The following PLCB1 variants were observed in gnomAD, a reference collection of about 807,000 sequenced individuals.
The protein encoded by PLCB1 is 1-phosphatidylinositol 4,5-bisphosphate phosphodiesterase beta-1.
Under a neutral mutation model 161.8 loss-of-function variants are expected in PLCB1, and 46 were observed. That is an observed-to-expected ratio of 0.28 (90% CI 0.22 to 0.36). The LOEUF (loss-of-function observed/expected upper bound fraction) is 0.36, where lower values mean the gene tolerates loss of function less well. PLCB1 is among the 10% of genes least tolerant of loss of function. The pLI is 1.00. For missense variants in PLCB1, 1,016 were observed against 1,472.5 expected, an observed-to-expected ratio of 0.69 and a Z score of 5.07; for synonymous variants, 517 against 503.7, an observed-to-expected ratio of 1.03 and a Z score of -0.35.
At chr20:8,165,625 A>G (rs1040538073) in intron 2 of PLCB1, among the ~76,000 whole-genome samples, 11 of 152,144 alleles carry the variant, frequency 7.2e-5, no homozygotes, top group Admixed American at 2.0e-4. Flanking sequence ...GGCATTTTGA[A>G]TACACTGCTA....
intron 9 of PLCB1, among the ~76,000 whole-genome samples, chr20:8,668,227 T>C (rs1001125431): frequency 6.6e-6 from 1 of 151,232 alleles, no homozygotes; most frequent in Non-Finnish European, 1.5e-5. Flanking sequence ...AGCTGAAAAA[T>C]GTACCATAGT....
intron 2 of PLCB1, among the ~76,000 whole-genome samples, chr20:8,202,159 C>T (rs1396580102): frequency 3.3e-5 from 5 of 152,224 alleles, no homozygotes; most frequent in Non-Finnish European, 7.3e-5. Flanking sequence ...TCATTGCAAA[C>T]TCCGCCTCCT....
rs189990361 is a variant in PLCB1 at position 8,334,684 on chromosome 20, A to C, written c.178-36698A>C. Among the ~76,000 whole-genome samples, 187 of 152,342 alleles carry C rather than the reference A, an allele frequency of 1.2e-3. 2 individuals carry two copies. Among genetic ancestry groups the C allele is most frequent in the Non-Finnish European group, 3.5e-4 (24 of 68,034 alleles). ...TAATTCCAGTCACTTCTTGACAAAG[A>C]ATTGGTGAACCTTTTGACAGCCGTG... is the stretch of plus-strand genomic sequence containing the variant. On this transcript the variant is annotated intron_variant, in intron 2 of 31. Transcript: ENST00000338037.
At chr20:8,278,063 T>C (rs1600282293) in intron 2 of PLCB1, among the ~76,000 whole-genome samples, 1 of 151,704 alleles carries the variant, frequency 6.6e-6, no homozygotes, top group Admixed American at 6.6e-5. Flanking sequence ...TAAATGGGAG[T>C]TGCATAAGGG....
In PLCB1 at chr20:8,573,814, A is replaced by G. The variant is rs1223457809; in HGVS notation, c.247-54480A>G. On this transcript the variant is annotated intron_variant, in intron 3 of 31. Coordinates refer to ENST00000338037, the MANE Select transcript of PLCB1 (RefSeq NM_015192.4). ...GGTGATTACAGTGATAGTTTCCTTCATGGCTTTCAGGCCATGAACAAATGA... is the reference window on the plus strand; with the variant it reads ...GGTGATTACAGTGATAGTTTCCTTCGTGGCTTTCAGGCCATGAACAAATGA... 2.0e-5 allele frequency among the ~76,000 whole-genome samples: 3 copies of G among 152,192 alleles called. No homozygotes were observed. In the East Asian group the frequency reaches 5.8e-4, roughly 29 times the overall value.
At chr20:8,389,691 G>A (rs888995068) in intron 3 of PLCB1, among the ~76,000 whole-genome samples, 1 of 152,100 alleles carries the variant, frequency 6.6e-6, no homozygotes, top group African/African-American at 2.4e-5. Flanking sequence ...GGACATATCC[G>A]ATATTAAATT....
intron 31 of PLCB1, among the ~76,000 whole-genome samples, chr20:8,877,915 A>G (rs994427555): frequency 6.6e-6 from 1 of 152,232 alleles, no homozygotes; most frequent in African/African-American, 2.4e-5. Context: ...ATGAAAGTCT[A>G]CTACAGTTAT....
At chr20:8,850,425 G>T (rs966578993) in intron 31 of PLCB1, among the ~76,000 whole-genome samples, 1 of 152,280 alleles carries the variant, frequency 6.6e-6, no homozygotes, top group African/African-American at 2.4e-5. Context: ...CCTTTACTGG[G>T]TTAGGAAAAG....
rs368836784 is a variant in PLCB1 at position 8,214,318 on chromosome 20, A to G, written c.177+63947A>G. On this transcript the variant is annotated intron_variant, in intron 2 of 31. Coordinates refer to ENST00000338037, the MANE Select transcript of PLCB1 (RefSeq NM_015192.4). ...GATTTCTCATGAATGGTTTAGCGCC[A>G]TCCTCTTAGTGCTGTCCTCACGACA... Among the ~76,000 whole-genome samples, 53 of 152,228 alleles carry G rather than the reference A, an allele frequency of 3.5e-4. 1 individual carries two copies. The highest frequency in any genetic ancestry group is 1.6e-3 in the East Asian group (8 of 5,158).
chr20:8,577,017 A>G (rs941457010), intron 3 of PLCB1, among the ~76,000 whole-genome samples: 6 of 152,214 alleles, frequency 3.9e-5, no homozygotes, highest in Non-Finnish European at 8.8e-5. Flanking sequence ...AAGGGAGTAG[A>G]GAACCTCAAG....
chr20:8,163,842 T>C (rs1399738514), intron 2 of PLCB1, among the ~76,000 whole-genome samples: 3 of 152,160 alleles, frequency 2.0e-5, no homozygotes, highest in Non-Finnish European at 4.4e-5. Context: ...AGTATAAATA[T>C]CGGGCCTCTA....
At chr20:8,391,049 T>C (rs1244217223) in intron 3 of PLCB1, among the ~76,000 whole-genome samples, 2 of 151,992 alleles carry the variant, frequency 1.3e-5, no homozygotes, top group African/African-American at 4.8e-5. Context: ...ATATATAACT[T>C]ACATGTATGT....
chr20:8,497,746 AGG>A (rs1424860979), intron 3 of PLCB1, among the ~76,000 whole-genome samples: 1 of 152,232 alleles, frequency 6.6e-6, no homozygotes, highest in African/African-American at 2.4e-5. Flanking sequence ...TTTTGGGTAA[AGG>A]TACAGAATAT....
chr20:8,224,715 C>T (rs554390193), intron 2 of PLCB1, among the ~76,000 whole-genome samples: 2 of 152,198 alleles, frequency 1.3e-5, no homozygotes, highest in African/African-American at 4.8e-5. Context: ...ATAACCATTG[C>T]CTGATCAAGA....
chr20:8,666,295 AC>A, intron 9 of PLCB1, among the ~76,000 whole-genome samples: 1 of 152,164 alleles, frequency 6.6e-6, no homozygotes, highest in South Asian at 2.1e-4. Context: ...AGGTGCTTGC[AC>A]TCAAATCCTT....
At chr20:8,376,772 C>CA (rs1436839203) in intron 3 of PLCB1, among the ~76,000 whole-genome samples, 1 of 151,848 alleles carries the variant, frequency 6.6e-6, no homozygotes, top group South Asian at 2.1e-4. Context: ...ACTAAAAATA[C>CA]AAAAAATTAG....
chr20:8,380,950 A>G (rs189211593), intron 3 of PLCB1, among the ~76,000 whole-genome samples: 1 of 152,282 alleles, frequency 6.6e-6, no homozygotes, highest in Admixed American at 6.5e-5. Context: ...CTCTTGCCTG[A>G]TTGCCCTGGT....
chr20:8,350,668 A>T (rs1425566484), intron 2 of PLCB1, among the ~76,000 whole-genome samples: 1 of 152,190 alleles, frequency 6.6e-6, no homozygotes, highest in Non-Finnish European at 1.5e-5. Flanking sequence ...AATCACCACA[A>T]TGTCTTCCAC....
intron 4 of PLCB1, among the ~76,000 whole-genome samples, chr20:8,644,425 T>C (rs1303544208): frequency 6.9e-6 from 1 of 144,930 alleles, no homozygotes; most frequent in Non-Finnish European, 1.5e-5. Flanking sequence ...GTCTGAGATG[T>C]GGGGAGCGCC....
Sources: gnomAD v4.1 joint callset for allele counts (sites outside exome capture counted in the v4.1 genomes callset) on GRCh38, gnomAD v4.1.1 for gene constraint, MANE v1.5 for transcripts, NCBI Gene and HGNC (gene_info 2026-07-23, HGNC 2026-07-21) for gene names.